Variants in HECW2 observed in about 807,000 individuals in gnomAD.
The protein encoded by HECW2 is HECT, C2 and WW domain containing E3 ubiquitin protein ligase 2.
HECW2 carries 61 observed loss-of-function variants against 175.2 expected under a neutral mutation model. The ratio of observed to expected loss-of-function variants is 0.35; its 90% CI spans 0.28 to 0.43. The LOEUF (loss-of-function observed/expected upper bound fraction) is 0.43, where lower values mean the gene tolerates loss of function less well. HECW2 is among the 20% of genes least tolerant of loss of function. HECW2 has a pLI of 1.00. For missense variants in HECW2, 1,524 were observed against 2,000.5 expected, an observed-to-expected ratio of 0.76 and a Z score of 4.54; for synonymous variants, 671 against 731.0, an observed-to-expected ratio of 0.92 and a Z score of 1.32.
At chr2:196,330,517 G>A (rs1412905669) in intron 4 of HECW2, among the ~76,000 whole-genome samples, 1 of 152,178 alleles carries the variant, frequency 6.6e-6, no homozygotes, top group Non-Finnish European at 1.5e-5. Context: ...GCTCTTTGGA[G>A]CTCTCTGCTC....
At position 196,372,481 on chromosome 2, in the gene HECW2, T is replaced by C. The variant is rs576028240; in HGVS notation, c.293-28717A>G. Reference sequence around the variant, plus strand: ...TATATAAGTGTTGCCAAGAATAACATTTTCCCTTTCCAAGTTAAACATGGT... The same window carrying C: ...TATATAAGTGTTGCCAAGAATAACACTTTCCCTTTCCAAGTTAAACATGGT... On this transcript the variant is annotated intron_variant, in intron 2 of 28. Transcript: ENST00000644978. Among the ~76,000 whole-genome samples, 29 of 152,302 alleles carry C rather than the reference T, an allele frequency of 1.9e-4. No homozygotes were observed. The South Asian group carries it at 5.8e-3, about 30-fold the overall frequency.
At chr2:196,384,955 C>T (rs1016206655) in intron 2 of HECW2, among the ~76,000 whole-genome samples, 20 of 151,818 alleles carry the variant, frequency 1.3e-4, no homozygotes, top group East Asian at 3.9e-4. Flanking sequence ...CCTGTTCTTT[C>T]GCTCAGGCTG....
chr2:196,417,084 C>T (rs1396155170), intron 2 of HECW2, among the ~76,000 whole-genome samples: 5 of 152,218 alleles, frequency 3.3e-5, no homozygotes, highest in African/African-American at 1.2e-4. Context: ...TTACTTAATC[C>T]ATCTAAGCCT....
intron 2 of HECW2, among the ~76,000 whole-genome samples, chr2:196,373,041 G>A (rs1325607316): frequency 6.6e-6 from 1 of 152,192 alleles, no homozygotes; most frequent in Non-Finnish European, 1.5e-5. Context: ...CAGAGTCCAC[G>A]CTTGCTGCAG....
chr2:196,388,372 A>G (rs1036855659), intron 2 of HECW2, among the ~76,000 whole-genome samples: 4 of 152,160 alleles, frequency 2.6e-5, no homozygotes, highest in African/African-American at 7.2e-5. Flanking sequence ...GGCTTTCTTT[A>G]GGTCTATCGA....
intron 1 of HECW2, among the ~76,000 whole-genome samples, chr2:196,449,219 C>T (rs1696275404): frequency 6.6e-6 from 1 of 152,184 alleles, no homozygotes; most frequent in African/African-American, 2.4e-5. Flanking sequence ...AGAACTAATC[C>T]TTTGGACCTA....
chr2:196,416,316 G>A (rs557447942), intron 2 of HECW2, among the ~76,000 whole-genome samples: 1 of 152,218 alleles, frequency 6.6e-6, no homozygotes, highest in South Asian at 2.1e-4. Context: ...CAAGGACAGT[G>A]TGCTGCACTA....
chr2:196,283,109 A>G (rs1160911200), intron 14 of HECW2, among the ~76,000 whole-genome samples: 1 of 151,402 alleles, frequency 6.6e-6, no homozygotes, highest in Non-Finnish European at 1.5e-5. Flanking sequence ...AAATATACAA[A>G]AAGTTAGCTG....
At chr2:196,277,981 G>T (rs1369431798) in intron 15 of HECW2, among the ~76,000 whole-genome samples, 3 of 86,172 alleles carry the variant, frequency 3.5e-5, no homozygotes, top group Non-Finnish European at 4.6e-5. Context: ...CCTGTTATGG[G>T]GTGGGGGGAG....
intron 1 of HECW2, among the ~76,000 whole-genome samples, chr2:196,517,483 GTATT>G (rs1475500315): frequency 2.0e-5 from 3 of 151,744 alleles, no homozygotes; most frequent in Non-Finnish European, 4.4e-5. Context: ...AATAAAGTCT[GTATT>G]TAATGATAAG....
At chr2:196,446,026 A>G (rs1279651294) in intron 1 of HECW2, among the ~76,000 whole-genome samples, 2 of 152,166 alleles carry the variant, frequency 1.3e-5, no homozygotes, top group Non-Finnish European at 2.9e-5. Flanking sequence ...AAATCCTCCA[A>G]TAACCCCTAT....
intron 1 of HECW2, among the ~76,000 whole-genome samples, chr2:196,504,021 C>T (rs555670739): frequency 1.3e-5 from 2 of 152,202 alleles, no homozygotes; most frequent in South Asian, 4.2e-4. Context: ...AGCTGCCAGG[C>T]GCGGTGGCTC....
intron 13 of HECW2, among the ~76,000 whole-genome samples, chr2:196,295,499 A>T (rs1690776437): frequency 6.6e-6 from 1 of 152,210 alleles, no homozygotes; most frequent in Non-Finnish European, 1.5e-5. Context: ...CTTACTACCT[A>T]AGAGTAAAAC....
At chr2:196,228,348 A>C in intron 21 of HECW2, 94 bp from the exon 22 acceptor site, 2 of 1,124,578 alleles carry the variant, frequency 1.8e-6, no homozygotes, top group Non-Finnish European at 2.5e-6. Context: ...TAGGATGCTC[A>C]TTACAAATCT....
intron 4 of HECW2, among the ~76,000 whole-genome samples, chr2:196,333,817 G>A (rs7588502): frequency 0.96 from 146,905 of 152,294 alleles, 71,052 homozygotes; most frequent in Middle Eastern, 1. Context: ...AGTAAATTAG[G>A]TATCTGTTTC....
At chr2:196,312,001 G>A (rs1208582662) in intron 10 of HECW2, among the ~76,000 whole-genome samples, 4 of 152,162 alleles carry the variant, frequency 2.6e-5, no homozygotes, top group African/African-American at 9.7e-5. Flanking sequence ...GGGAACAGAG[G>A]CAGGTAGAAC....
intron 1 of HECW2, among the ~76,000 whole-genome samples, chr2:196,440,149 C>T (rs576013026): frequency 6.6e-6 from 1 of 152,196 alleles, no homozygotes; most frequent in South Asian, 2.1e-4. Context: ...TCCAAATTGT[C>T]GGTTATTATG....
At chr2:196,341,902 G>C (rs1692766018) in intron 3 of HECW2, among the ~76,000 whole-genome samples, 1 of 152,184 alleles carries the variant, frequency 6.6e-6, no homozygotes, top group Non-Finnish European at 1.5e-5. Context: ...CTGTGTATTA[G>C]AGAAGTTTGA....
At chr2:196,385,329 C>A (rs1366089790) in intron 2 of HECW2, among the ~76,000 whole-genome samples, 1 of 152,120 alleles carries the variant, frequency 6.6e-6, no homozygotes, top group African/African-American at 2.4e-5. Context: ...AATATAAAAG[C>A]TCTAGTTACT....
Sources: allele counts gnomAD v4.1 joint callset (sites outside exome capture counted in the v4.1 genomes callset), GRCh38; gene constraint gnomAD v4.1.1; transcripts MANE v1.5; gene names NCBI Gene and HGNC (gene_info 2026-07-23, HGNC 2026-07-21).